CSMD1: variants seen among roughly 807,000 people sequenced by gnomAD.
CSMD1 encodes the protein CUB and sushi domain-containing protein 1.
A neutral mutation model predicts 417.5 loss-of-function variants in CSMD1; 213 were observed. The ratio of observed to expected loss-of-function variants is 0.51; its 90% CI spans 0.46 to 0.57. CSMD1 has a LOEUF of 0.57. Ranked by LOEUF, CSMD1 falls within the 20% of genes least tolerant of loss-of-function variation. CSMD1 has a pLI of 0.00. For synonymous variants in CSMD1, 2,862 were observed against 1,736.8 expected, an observed-to-expected ratio of 1.65 and a Z score of -16.11; for missense variants, 6,923 against 4,529.7, an observed-to-expected ratio of 1.53 and a Z score of -15.17.
rs532379019 is a variant in CSMD1 at position 4,255,072 on chromosome 8, A to G, written c.415+164881T>C. ...CAAGCAATTCTCAGCCTTTTTTATTATTTTGCTCAAATGGTTTAACCCCTC... is the reference window on the plus strand; with the variant it reads ...CAAGCAATTCTCAGCCTTTTTTATTGTTTTGCTCAAATGGTTTAACCCCTC... On this transcript the variant is annotated intron_variant, in intron 3 of 69. Transcript: ENST00000635120. Among the ~76,000 whole-genome samples the G allele has an allele frequency of 2.6e-5, 4 of 152,170 alleles. No homozygotes were observed. The East Asian group carries it at 5.8e-4, about 22-fold the overall frequency.
At chr8:4,965,686 C>G (rs538391589) in intron 1 of CSMD1, among the ~76,000 whole-genome samples, 57 of 152,224 alleles carry the variant, frequency 3.7e-4, no homozygotes, top group African/African-American at 1.3e-3. Flanking sequence ...ATAAGGTTGG[C>G]TGGATGTTCA....
chr8:3,523,494 G>A (rs1322350871), intron 10 of CSMD1, among the ~76,000 whole-genome samples: 5 of 152,012 alleles, frequency 3.3e-5, no homozygotes, highest in African/African-American at 9.7e-5. Flanking sequence ...TGGATGGCTG[G>A]CAGCAGAAAG....
chr8:3,882,414 G>A (rs1377821290), intron 5 of CSMD1, among the ~76,000 whole-genome samples: 1 of 152,304 alleles, frequency 6.6e-6, no homozygotes, highest in Non-Finnish European at 1.5e-5. Context: ...CCTGCCAAAT[G>A]TTGGTTATGT....
At chr8:3,116,584 T>C (rs748870247) in intron 42 of CSMD1, among the ~76,000 whole-genome samples, 4 of 152,198 alleles carry the variant, frequency 2.6e-5, no homozygotes, top group Non-Finnish European at 5.9e-5. Flanking sequence ...TGGTGTTATA[T>C]ACCATGTTAG....
intron 2 of CSMD1, among the ~76,000 whole-genome samples, chr8:4,548,232 C>T (rs1000341645): frequency 2.0e-5 from 3 of 151,988 alleles, no homozygotes; most frequent in South Asian, 2.1e-4. Flanking sequence ...AAAAAATGTA[C>T]GTTGAGTGCA....
intron 7 of CSMD1, among the ~76,000 whole-genome samples, chr8:3,635,410 G>A (rs927676357): frequency 1.3e-5 from 2 of 152,014 alleles, no homozygotes; most frequent in African/African-American, 2.4e-5. Context: ...GTTGAACCTG[G>A]GAGATGGAGC....
intron 2 of CSMD1, among the ~76,000 whole-genome samples, chr8:4,424,932 G>C (rs757449592): frequency 6.6e-6 from 1 of 151,936 alleles, no homozygotes; most frequent in Non-Finnish European, 1.5e-5. Flanking sequence ...CATTGGAAAG[G>C]TTGAGACTGA....
rs529929558 is a variant in CSMD1, at chr8:3,925,343, C to T, written c.818+72560G>A. ...TGTGCATTTATATATTATATGCTAT[C>T]CTATTTTAATTAGAAATATTCAAAT... On this transcript the variant is annotated intron_variant, in intron 5 of 69. Coordinates refer to ENST00000635120, the MANE Select transcript of CSMD1 (RefSeq NM_033225.6). Among the ~76,000 whole-genome samples, 5 of 152,028 alleles carry T rather than the reference C, an allele frequency of 3.3e-5. No homozygotes were observed. The South Asian group carries it at 1.0e-3, about 32-fold the overall frequency.
chr8:3,846,837 C>A (rs1223115853), intron 5 of CSMD1, among the ~76,000 whole-genome samples: 1 of 152,056 alleles, frequency 6.6e-6, no homozygotes, highest in Non-Finnish European at 1.5e-5. Flanking sequence ...CCACGTCTGG[C>A]TAATTTTTTG....
chr8:3,597,704 G>C (rs1403748555), intron 8 of CSMD1, among the ~76,000 whole-genome samples: 1 of 152,126 alleles, frequency 6.6e-6, no homozygotes, highest in Non-Finnish European at 1.5e-5. Context: ...GATGAAACTG[G>C]AAACCATCAT....
intron 37 of CSMD1, among the ~76,000 whole-genome samples, chr8:3,176,371 T>C (rs369536176): frequency 6.6e-6 from 1 of 152,154 alleles, no homozygotes; most frequent in Non-Finnish European, 1.5e-5. Context: ...ATGAAATCCA[T>C]CACTATATTA....
At chr8:4,473,401 G>C (rs1191859021) in intron 2 of CSMD1, among the ~76,000 whole-genome samples, 1 of 152,150 alleles carries the variant, frequency 6.6e-6, no homozygotes, top group Non-Finnish European at 1.5e-5. Context: ...TCTCATTGTA[G>C]GTAGTCTTTA....
intron 41 of CSMD1, among the ~76,000 whole-genome samples, chr8:3,129,085 T>C (rs1817659254): frequency 6.6e-6 from 1 of 152,100 alleles, no homozygotes; most frequent in Non-Finnish European, 1.5e-5. Context: ...GGAGTCAACA[T>C]CAATGAGCAA....
intron 26 of CSMD1, among the ~76,000 whole-genome samples, chr8:3,250,193 T>C (rs1326906864): frequency 6.6e-6 from 1 of 152,224 alleles, no homozygotes; most frequent in African/African-American, 2.4e-5. Context: ...TGTCTCCAAA[T>C]ACTATCCCTC....
intron 3 of CSMD1, among the ~76,000 whole-genome samples, chr8:4,225,661 G>A (rs1801305801): frequency 6.6e-6 from 1 of 152,104 alleles, no homozygotes; most frequent in Non-Finnish European, 1.5e-5. Context: ...TTAAAAGCAG[G>A]AAAGTGGTGA....
intron 7 of CSMD1, among the ~76,000 whole-genome samples, chr8:3,700,993 G>C (rs1330211410): frequency 6.6e-6 from 1 of 151,036 alleles, no homozygotes; most frequent in East Asian, 1.9e-4. Flanking sequence ...AGGGGCGACG[G>C]TGGTTTGGGG....
intron 5 of CSMD1, among the ~76,000 whole-genome samples, chr8:3,771,814 G>A (rs1362507660): frequency 1.3e-5 from 2 of 152,050 alleles, no homozygotes; most frequent in Non-Finnish European, 2.9e-5. Context: ...TTACTATGAG[G>A]CAGAATGATC....
At chr8:4,454,082 T>G (rs555463584) in intron 2 of CSMD1, among the ~76,000 whole-genome samples, 2 of 151,968 alleles carry the variant, frequency 1.3e-5, no homozygotes, top group African/African-American at 4.8e-5. Flanking sequence ...TCGGCCTCCC[T>G]AAGTGCTGGG....
At chr8:4,021,750 C>T (rs988636925) in intron 4 of CSMD1, among the ~76,000 whole-genome samples, 2 of 152,116 alleles carry the variant, frequency 1.3e-5, no homozygotes, top group Admixed American at 1.3e-4. Context: ...CCCGTCCCCT[C>T]CCCAATAATC....
Sources: gnomAD v4.1 joint callset for allele counts (sites outside exome capture counted in the v4.1 genomes callset) on GRCh38, gnomAD v4.1.1 for gene constraint, MANE v1.5 for transcripts, NCBI Gene and HGNC (gene_info 2026-07-23, HGNC 2026-07-21) for gene names.